Variants in WDPCP observed in about 807,000 individuals in gnomAD.
WDPCP encodes the protein WD repeat-containing and planar cell polarity effector protein fritz homolog.
WDPCP carries 71 observed loss-of-function variants against 93.1 expected under a neutral mutation model. The observed-to-expected ratio is 0.76, with a 90% CI of 0.63 to 0.93. WDPCP has a LOEUF of 0.93. Among genes scored for constraint, WDPCP ranks in the 40% least tolerant of loss-of-function variants. The probability of loss-of-function intolerance (pLI) is 0.00; values close to 1 mark genes in which losing one functional copy is unlikely to be tolerated. For missense variants in WDPCP, 844 were observed against 887.4 expected (o/e 0.95, Z 0.62); for synonymous variants, 315 against 315.0 (o/e 1.00, Z 0.00).
chr2:63,811,892 C>T (rs1029890025), intron 2 of WDPCP, among the ~76,000 whole-genome samples: 10 of 152,066 alleles, frequency 6.6e-5, no homozygotes, highest in Non-Finnish European at 8.8e-5. Context: ...GAGACAGGGT[C>T]GCACTCTATC....
chr2:63,241,746 G>T (rs1209773877), intron 14 of WDPCP, among the ~76,000 whole-genome samples: 1 of 152,028 alleles, frequency 6.6e-6, no homozygotes, highest in Non-Finnish European at 1.5e-5. Flanking sequence ...ACAGGTGTTT[G>T]CCACCATGCC....
rs1404820814 is a variant in WDPCP, at chr2:63,433,778, T to C, written c.792A>G (p.Leu264=). The change falls in exon 9 of 18, where the codon CTA becomes CTG. Residue 264 remains leucine, a synonymous_variant. Transcript: ENST00000272321. ...TTCCTTGAGCATAACCCAGGAGGAGTAGATTGGCTCTGTCCTTCTCAGAAG... is the reference window on the plus strand; with the variant it reads ...TTCCTTGAGCATAACCCAGGAGGAGCAGATTGGCTCTGTCCTTCTCAGAAG... ...PISSEKDRAN[L]LLLGYAQGRL... is the part of the protein sequence containing the mutation. 3.1e-6 allele frequency: 5 copies of C among 1,613,442 alleles called. No individual in the cohort carries two copies. Among genetic ancestry groups the C allele is most frequent in the African/African-American group, 1.3e-5 (1 of 74,864 alleles).
At chr2:63,678,183 C>T (rs997575854) in intron 2 of WDPCP, among the ~76,000 whole-genome samples, 5 of 152,166 alleles carry the variant, frequency 3.3e-5, no homozygotes, top group African/African-American at 9.7e-5. Context: ...TCTGCTCCAT[C>T]GTTCTTAGTT....
At chr2:63,611,755 C>G (rs1709617631) in intron 3 of WDPCP, among the ~76,000 whole-genome samples, 1 of 152,118 alleles carries the variant, frequency 6.6e-6, no homozygotes, top group Admixed American at 6.5e-5. Context: ...CGCTTTCATT[C>G]CAGTAGTGTC....
chr2:63,473,970 G>A (rs146941477), intron 6 of WDPCP, among the ~76,000 whole-genome samples: 375 of 152,156 alleles, frequency 2.5e-3, no homozygotes, highest in African/African-American at 8.0e-3. Flanking sequence ...TACTAGTTGT[G>A]TAATTAATCC....
intron 13 of WDPCP, among the ~76,000 whole-genome samples, chr2:63,262,945 A>C (rs995607503): frequency 7.2e-5 from 11 of 152,324 alleles, no homozygotes; most frequent in African/African-American, 2.2e-4. Flanking sequence ...TTGATATTAT[A>C]TCTCTCCCAT....
chr2:63,446,502 AG>A (rs1697878412), intron 6 of WDPCP, among the ~76,000 whole-genome samples: 2 of 152,230 alleles, frequency 1.3e-5, no homozygotes, highest in Non-Finnish European at 2.9e-5. Context: ...GTGGAAGCAA[AG>A]ATGTTTTCCA....
At chr2:63,376,064 T>C (rs1691831123) in intron 12 of WDPCP, among the ~76,000 whole-genome samples, 1 of 151,996 alleles carries the variant, frequency 6.6e-6, no homozygotes. Context: ...AAAAGGTATT[T>C]GGCCTGTTTC....
chr2:63,501,573 C>CA (rs1236062855), intron 1 of WDPCP, among the ~76,000 whole-genome samples: 4 of 152,068 alleles, frequency 2.6e-5, no homozygotes, highest in Non-Finnish European at 5.9e-5. Context: ...TTCAAAAAAA[C>CA]AAAAAACTTT....
chr2:63,199,810 C>T (rs1276710727), intron 14 of WDPCP, among the ~76,000 whole-genome samples: 1 of 152,202 alleles, frequency 6.6e-6, no homozygotes, highest in Admixed American at 6.5e-5. Flanking sequence ...GGGCCATCAT[C>T]CCCCAGACCC....
intron 13 of WDPCP, among the ~76,000 whole-genome samples, chr2:63,278,265 G>A (rs1056848756): frequency 6.6e-6 from 1 of 152,262 alleles, no homozygotes; most frequent in East Asian, 1.9e-4. Flanking sequence ...CAAAAGCGGT[G>A]CTAAGAGGAA....
chr2:63,534,615 G>T (rs201233532), intron 1 of WDPCP, among the ~76,000 whole-genome samples: 1 of 152,168 alleles, frequency 6.6e-6, no homozygotes, highest in East Asian at 1.9e-4. Flanking sequence ...AAAACCACAT[G>T]ATTATCTCAA....
chr2:63,429,570 C>T (rs1000364772), intron 9 of WDPCP, among the ~76,000 whole-genome samples: 1 of 152,096 alleles, frequency 6.6e-6, no homozygotes, highest in African/African-American at 2.4e-5. Flanking sequence ...AAATCGCCAA[C>T]AAACATATGA....
chr2:63,836,508 A>G, the WDPCP span, among the ~76,000 whole-genome samples: 2 of 152,224 alleles, frequency 1.3e-5, no homozygotes, highest in Non-Finnish European at 2.9e-5. Flanking sequence ...TATTTATTCT[A>G]TGAGTTTGGT....
intron 15 of WDPCP, among the ~76,000 whole-genome samples, chr2:63,159,354 T>C (rs1023141849): frequency 6.6e-6 from 1 of 152,014 alleles, no homozygotes; most frequent in Admixed American, 6.6e-5. Flanking sequence ...GTCTCCCAAG[T>C]AGCTGGGACT....
At chr2:63,570,161 C>T (rs1707371826) in intron 1 of WDPCP, among the ~76,000 whole-genome samples, 2 of 152,070 alleles carry the variant, frequency 1.3e-5, no homozygotes, top group Non-Finnish European at 2.9e-5. Context: ...TAACTTGATG[C>T]AAATATTTAT....
rs566766151 is a variant in WDPCP at position 63,122,199 on chromosome 2, A to T, written c.2191-143T>A. 5 of 675,148 alleles carry T rather than the reference A, an allele frequency of 7.4e-6. No homozygotes were observed. The Admixed American group carries it at 1.4e-4, about 19-fold the overall frequency. 41.8% of individuals were successfully genotyped at this position (675,148 alleles called of 1,614,324 possible). A position where few individuals can be genotyped will look rare whatever the true frequency, so the allele number is the denominator to read the frequency against. ...AATGTACTGCACATAGATACATAAG[A>T]TAACTGTATACTTACCTGACTTGGT... On this transcript the variant is annotated intron_variant, in intron 17 of 17. Coordinates refer to ENST00000272321, the MANE Select transcript of WDPCP (RefSeq NM_015910.7).
intron 8 of WDPCP, 54 bp from the exon 9 acceptor site, chr2:63,433,990 C>T (rs1237045707): frequency 1.3e-6 from 2 of 1,553,536 alleles, no homozygotes; most frequent in East Asian, 2.3e-5. Context: ...GATGCAAAAT[C>T]CTCAAGTATT....
rs530134918 is a variant in WDPCP, at chr2:63,362,743, C to T, written c.1748+15643G>A. On this transcript the variant is annotated intron_variant, in intron 12 of 17. Transcript: ENST00000272321. ...GCAGTGGTGCAATCATAGCTCACTG[C>T]AGCCTCAAACTCCTAGGGTCAAGTG... is the stretch of plus-strand genomic sequence containing the variant. Among the ~76,000 whole-genome samples the T allele has an allele frequency of 2.1e-4, 32 of 152,218 alleles. No homozygotes were observed. The South Asian group carries it at 6.2e-3, about 30-fold the overall frequency.
Sources: gnomAD v4.1 joint callset for allele counts (sites outside exome capture counted in the v4.1 genomes callset) on GRCh38, gnomAD v4.1.1 for gene constraint, MANE v1.5 for transcripts, NCBI Gene and HGNC (gene_info 2026-07-23, HGNC 2026-07-21) for gene names.